NECTIN3: variants seen among roughly 807,000 people sequenced by gnomAD.
The protein encoded by NECTIN3 is nectin-3.
A neutral mutation model predicts 49.4 loss-of-function variants in NECTIN3; 8 were observed. That is an observed-to-expected ratio of 0.16 (90% CI 0.10 to 0.29). The LOEUF is 0.29. Among genes scored for constraint, NECTIN3 ranks in the 10% least tolerant of loss-of-function variants. The pLI is 1.00. For synonymous variants in NECTIN3, 277 were observed against 241.1 expected (o/e 1.15, Z -1.38); for missense variants, 581 against 654.6 (o/e 0.89, Z 1.23).
At chr3:111,074,573 C>G (rs935488325) in intron 1 of NECTIN3, among the ~76,000 whole-genome samples, 1 of 151,978 alleles carries the variant, frequency 6.6e-6, no homozygotes, top group Non-Finnish European at 1.5e-5. Context: ...ACTGGTGGAC[C>G]TGATATTCTG....
chr3:111,085,848 G>A (rs563416318), intron 1 of NECTIN3, among the ~76,000 whole-genome samples: 1 of 152,102 alleles, frequency 6.6e-6, no homozygotes, highest in African/African-American at 2.4e-5. Context: ...CCTGTTTTTG[G>A]TGGTGGTATT....
chr3:111,146,589 A>G (rs989566613), intron 6 of NECTIN3, among the ~76,000 whole-genome samples: 3 of 152,202 alleles, frequency 2.0e-5, no homozygotes, highest in East Asian at 3.8e-4. Context: ...TTAAAATACT[A>G]GTTTATGCTC....
In NECTIN3 at chr3:111,126,245, C is replaced by T; in HGVS notation, c.979C>T (p.Pro327Ser). The T allele has an allele frequency of 6.2e-7, 1 of 1,609,626 alleles. No individual in the cohort carries two copies. The highest frequency in any genetic ancestry group is 8.5e-7 in the Non-Finnish European group (1 of 1,178,644). ...AGACAATACTCTTCATTTTGTCCAT[C>T]CATTGACTTTCAATTATTCTGGTGT... is the stretch of plus-strand genomic sequence containing the variant. ...ASDNTLHFVH[P>S]LTFNYSGVYI... is the part of the protein sequence containing the mutation. Residue 327 changes from proline to serine, a missense_variant, in exon 5 of 6, where the codon CCA (proline) becomes TCA (serine). Around this residue, in one of 3 missense-constraint regions of NECTIN3, gnomAD observed 234 missense variants for 340.6 expected, o/e 0.69. Transcript: ENST00000485303.
chr3:111,151,992 C>T lies in NECTIN3; in HGVS notation c.1221+4508C>T, dbSNP rs551858935. 4.0e-5 allele frequency among the ~76,000 whole-genome samples: 6 copies of T among 151,692 alleles called. 1 individual carries two copies. Among genetic ancestry groups the T allele is most frequent in the African/African-American group, 1.4e-4 (6 of 41,488 alleles). ...CACTCAGGTGCATTTTAATTTATTT[C>T]CCCCCTGTATAAAAGTAATATATAC... On this transcript the variant is annotated intron_variant, in intron 7 of 8. Coordinates refer to the NECTIN3 transcript ENST00000493615.
intron 1 of NECTIN3, among the ~76,000 whole-genome samples, chr3:111,092,447 A>G (rs1447202649): frequency 2.0e-5 from 3 of 152,130 alleles, no homozygotes; most frequent in South Asian, 2.1e-4. Flanking sequence ...ATTCAGCTCT[A>G]TGATCCATTT....
chr3:111,080,668 AT>A (rs1165783829), intron 1 of NECTIN3, among the ~76,000 whole-genome samples: 2 of 112,552 alleles, frequency 1.8e-5, no homozygotes, highest in Non-Finnish European at 3.9e-5. Flanking sequence ...GTTAATCTAT[AT>A]ATGTCATGCA....
At chr3:111,102,146 C>G (rs770502200) in intron 1 of NECTIN3, among the ~76,000 whole-genome samples, 3 of 152,008 alleles carry the variant, frequency 2.0e-5, no homozygotes, top group Admixed American at 6.6e-5. Context: ...TTTTTAGGAG[C>G]AAGGGTTGGG....
At chr3:111,193,382 T>C in intron 1 of NECTIN3, 2 of 1,530,716 alleles carry the variant, frequency 1.3e-6, no homozygotes, top group Non-Finnish European at 1.7e-6. Flanking sequence ...ATGTGTGATT[T>C]TTCTCTTTTT....
intron 4 of NECTIN3, 117 bp from the exon 5 acceptor site, chr3:111,126,067 C>T: frequency 2.9e-6 from 2 of 691,712 alleles, no homozygotes; most frequent in Non-Finnish European, 4.2e-6. Flanking sequence ...TGAATTTTGT[C>T]TGAGATGCTT....
At chr3:111,125,122 G>A (rs1042556994) in intron 4 of NECTIN3, among the ~76,000 whole-genome samples, 3 of 143,360 alleles carry the variant, frequency 2.1e-5, no homozygotes, top group African/African-American at 7.7e-5. Context: ...TCCCCTTCCT[G>A]GGTTCAAGTG....
intron 5 of NECTIN3, among the ~76,000 whole-genome samples, chr3:111,143,274 C>G (rs527310887): frequency 6.6e-6 from 1 of 151,468 alleles, no homozygotes; most frequent in East Asian, 1.9e-4. Context: ...ATAGATAAAC[C>G]AGGCTGGTAT....
chr3:111,108,159 TGATA>T (rs1485002913), intron 1 of NECTIN3, among the ~76,000 whole-genome samples: 1 of 151,946 alleles, frequency 6.6e-6, no homozygotes, highest in East Asian at 1.9e-4. Flanking sequence ...AAATAAATCT[TGATA>T]GTTACATTAG....
At chr3:111,187,975 C>T (rs911307027), upstream of NECTIN3, among the ~76,000 whole-genome samples, 2 of 152,166 alleles carry the variant, frequency 1.3e-5, no homozygotes, top group African/African-American at 2.4e-5. Flanking sequence ...TCACTGGTAA[C>T]AAATGTGCCA....
chr3:111,125,125 T>C (rs1329081668), intron 4 of NECTIN3, among the ~76,000 whole-genome samples: 2 of 148,812 alleles, frequency 1.3e-5, no homozygotes, highest in East Asian at 4.0e-4. Context: ...CCTTCCTGGG[T>C]TCAAGTGATT....
chr3:111,184,825 T>C (rs541283964), intron 7 of NECTIN3, among the ~76,000 whole-genome samples: 1 of 144,480 alleles, frequency 6.9e-6, no homozygotes, highest in East Asian at 1.9e-4. Context: ...AACCTGATCT[T>C]CTGGAACCTG....
At chr3:111,079,561 G>T (rs1476551951) in intron 1 of NECTIN3, among the ~76,000 whole-genome samples, 1 of 151,640 alleles carries the variant, frequency 6.6e-6, no homozygotes, top group Non-Finnish European at 1.5e-5. Flanking sequence ...AAATAAAAAA[G>T]TCCTTCTCCA....
chr3:111,072,613 C>T lies in NECTIN3; in HGVS notation c.160+436C>T. 3 of 1,519,236 alleles carry T rather than the reference C, an allele frequency of 2.0e-6. No individual in the cohort carries two copies. The East Asian group carries it at 7.4e-5, about 37-fold the overall frequency. 94.1% of individuals were successfully genotyped at this position (1,519,236 alleles called of 1,614,324 possible). A position where few individuals can be genotyped will look rare whatever the true frequency, so the allele number is the denominator to read the frequency against. On this transcript the variant is annotated intron_variant, in intron 1 of 5. Coordinates refer to ENST00000485303, the MANE Select transcript of NECTIN3 (RefSeq NM_015480.3). ...GGACCGGAGCCCGATGGAATGAAGC[C>T]TCCGGGTCCACTTCTCATGGCCTTC... is the stretch of plus-strand genomic sequence containing the variant.
At chr3:111,120,465 C>T (rs528001167) in intron 3 of NECTIN3, among the ~76,000 whole-genome samples, 1 of 152,214 alleles carries the variant, frequency 6.6e-6, no homozygotes, top group African/African-American at 2.4e-5. Context: ...TCTTGGGATA[C>T]TTTTATGCCT....
chr3:111,192,117 C>G (rs989340638), upstream of NECTIN3, among the ~76,000 whole-genome samples: 3 of 152,184 alleles, frequency 2.0e-5, no homozygotes, highest in South Asian at 6.2e-4. Context: ...CAGGCAAGAG[C>G]CACTGTGCCC....
Sources: allele counts gnomAD v4.1 joint callset (sites outside exome capture counted in the v4.1 genomes callset), GRCh38; gene constraint gnomAD v4.1.1; regional missense constraint gnomAD v4.1.1; transcripts MANE v1.5; gene names NCBI Gene and HGNC (gene_info 2026-07-23, HGNC 2026-07-21).